Variants in NRXN3 observed in about 807,000 individuals in gnomAD.
The protein encoded by NRXN3 is neurexin 3, also known as neurexin III.
In NRXN3, 32 loss-of-function variants were observed where a neutral mutation model predicts 137.6. The observed-to-expected ratio is 0.23, with a 90% CI of 0.18 to 0.31. The LOEUF (loss-of-function observed/expected upper bound fraction) is 0.31. Among genes scored for constraint, NRXN3 ranks in the 10% least tolerant of loss-of-function variants. The probability of loss-of-function intolerance (pLI) is 1.00; values close to 1 mark genes in which losing one functional copy is unlikely to be tolerated. For missense variants in NRXN3, 1,574 were observed against 2,062.5 expected, an observed-to-expected ratio of 0.76 and a Z score of 4.59; for synonymous variants, 798 against 784.5, an observed-to-expected ratio of 1.02 and a Z score of -0.29.
chr14:79,151,913 T>C (rs935445536), intron 15 of NRXN3, among the ~76,000 whole-genome samples: 1 of 152,098 alleles, frequency 6.6e-6, no homozygotes, highest in African/African-American at 2.4e-5. Flanking sequence ...TATATTTTCA[T>C]ACTATAACAT....
rs1446039634 is a variant in NRXN3, at chr14:78,278,646, T to C, written c.711T>C (p.Asp237=). ...TGYGGKLCSE[D]VSQDPGLSHL... ...CTCCCTTTGAAAATGCTGCCACAGA[T>C]GTCAGTCAAGATCCAGGTGAGTCTT... The change falls in exon 3 of 21, where the codon GAT becomes GAC. Residue 237 remains aspartate, a splice_region_variant and synonymous_variant. Coordinates refer to ENST00000335750, the MANE Select transcript of NRXN3 (RefSeq NM_001330195.2). 6 of 1,535,070 alleles carry C rather than the reference T, an allele frequency of 3.9e-6. No individual in the cohort carries two copies. The highest frequency in any genetic ancestry group is 2.0e-5 in the Admixed American group (1 of 50,970).
In NRXN3 at chr14:79,340,235, G is replaced by A. The variant is rs67990350; in HGVS notation, c.3263-126986G>A. On this transcript the variant is annotated intron_variant, in intron 15 of 20. Coordinates refer to ENST00000335750, the MANE Select transcript of NRXN3 (RefSeq NM_001330195.2). ...AGAAAGAGATACAGATAGACATTTCGTTGGAGGAGGAGTGTGAGGGAAAAC... is the reference window on the plus strand; with the variant it reads ...AGAAAGAGATACAGATAGACATTTCATTGGAGGAGGAGTGTGAGGGAAAAC... 9.2e-3 allele frequency among the ~76,000 whole-genome samples: 1,390 copies of A among 151,626 alleles called. 16 individuals are homozygous for A. The highest frequency in any genetic ancestry group is 0.016 in the Non-Finnish European group (1,099 of 67,886).
At chr14:79,728,451 C>T (rs1039704268) in intron 19 of NRXN3, among the ~76,000 whole-genome samples, 1 of 152,186 alleles carries the variant, frequency 6.6e-6, no homozygotes, top group African/African-American at 2.4e-5. Context: ...ATTGCTTCCT[C>T]TCATGAGGAG....
chr14:78,210,845 G>C (rs766393392), intron 1 of NRXN3, among the ~76,000 whole-genome samples: 11 of 150,940 alleles, frequency 7.3e-5, no homozygotes, highest in Non-Finnish European at 1.3e-4. Flanking sequence ...TTTTATTGTC[G>C]AGCAAATCGT....
chr14:79,825,007 C>G (rs2099289542), intron 20 of NRXN3, among the ~76,000 whole-genome samples: 1 of 152,082 alleles, frequency 6.6e-6, no homozygotes, highest in African/African-American at 2.4e-5. Flanking sequence ...TCAGGCACTC[C>G]TACTAAAGAA....
intron 4 of NRXN3, among the ~76,000 whole-genome samples, chr14:78,483,971 G>A (rs1008129268): frequency 1.1e-4 from 14 of 131,922 alleles, no homozygotes; most frequent in Non-Finnish European, 8.2e-5. Flanking sequence ...CATAAACCAA[G>A]GGATGCTCTT....
At chr14:79,428,300 T>C (rs1411671225) in intron 15 of NRXN3, among the ~76,000 whole-genome samples, 1 of 150,770 alleles carries the variant, frequency 6.6e-6, no homozygotes, top group Non-Finnish European at 1.5e-5. Context: ...CTAAAACTTA[T>C]TTGAGTGTCT....
intron 4 of NRXN3, among the ~76,000 whole-genome samples, chr14:78,506,091 A>G (rs2095984180): frequency 6.6e-6 from 1 of 152,152 alleles, no homozygotes; most frequent in East Asian, 1.9e-4. Flanking sequence ...AAATTTATTC[A>G]TTGAGCCTAT....
intron 15 of NRXN3, among the ~76,000 whole-genome samples, chr14:79,323,439 C>G (rs1347975227): frequency 6.6e-6 from 1 of 152,134 alleles, no homozygotes; most frequent in African/African-American, 2.4e-5. Context: ...CATTATTATT[C>G]AATAAAAGGA....
chr14:79,775,603 G>A (rs796349075), intron 19 of NRXN3, among the ~76,000 whole-genome samples: 7 of 146,996 alleles, frequency 4.8e-5, no homozygotes, highest in African/African-American at 1.8e-4. Context: ...CATTGAGTAA[G>A]CCAAGGTTAC....
intron 16 of NRXN3, among the ~76,000 whole-genome samples, chr14:79,603,284 T>C (rs1300889285): frequency 6.6e-6 from 1 of 152,178 alleles, no homozygotes; most frequent in Non-Finnish European, 1.5e-5. Context: ...GCCCACACAA[T>C]CTCTTTACTG....
At chr14:78,544,128 G>A (rs2096616907) in intron 4 of NRXN3, among the ~76,000 whole-genome samples, 1 of 152,194 alleles carries the variant, frequency 6.6e-6, no homozygotes, top group South Asian at 2.1e-4. Flanking sequence ...TGATAGCAGA[G>A]GAGCCCTGGG....
chr14:79,011,608 G>GA (rs945864660), intron 15 of NRXN3, among the ~76,000 whole-genome samples: 33 of 151,706 alleles, frequency 2.2e-4, no homozygotes, highest in African/African-American at 8.0e-4. Flanking sequence ...ACTTATTTTG[G>GA]AAAAAAGCAT....
At chr14:79,429,755 G>T (rs2095715096) in intron 15 of NRXN3, among the ~76,000 whole-genome samples, 1 of 151,940 alleles carries the variant, frequency 6.6e-6, no homozygotes, top group African/African-American at 2.4e-5. Flanking sequence ...GAAACAACCA[G>T]AAAACACTTT....
At chr14:79,082,072 A>G (rs551779827) in intron 15 of NRXN3, among the ~76,000 whole-genome samples, 181 of 139,780 alleles carry the variant, frequency 1.3e-3, no homozygotes, top group Non-Finnish European at 2.3e-3. Context: ...TCATACATAT[A>G]TATATACATA....
At chr14:78,316,758 C>G (rs1242480019) in intron 4 of NRXN3, among the ~76,000 whole-genome samples, 2 of 152,200 alleles carry the variant, frequency 1.3e-5, no homozygotes, top group African/African-American at 4.8e-5. Context: ...AGTCCAGTAA[C>G]TCACATGATA....
chr14:78,924,505 AC>A (rs1327808482), intron 10 of NRXN3, among the ~76,000 whole-genome samples: 1 of 152,058 alleles, frequency 6.6e-6, no homozygotes, highest in Non-Finnish European at 1.5e-5. Flanking sequence ...TCAGGATTTA[AC>A]CCCCACTCTT....
At chr14:78,856,916 A>T (rs962348072) in intron 10 of NRXN3, among the ~76,000 whole-genome samples, 1 of 152,072 alleles carries the variant, frequency 6.6e-6, no homozygotes, top group Non-Finnish European at 1.5e-5. Context: ...GTATTTTTGT[A>T]GAAACATGGT....
intron 15 of NRXN3, among the ~76,000 whole-genome samples, chr14:79,257,589 A>ATGGTGGTGG (rs780777887): frequency 3.4e-5 from 1 of 29,824 alleles, no homozygotes; most frequent in Non-Finnish European, 7.1e-5. Context: ...GATGGTAATG[A>ATGGTGGTGG]TGGTGGTGGT....
Sources: gnomAD v4.1 joint callset for allele counts (sites outside exome capture counted in the v4.1 genomes callset) on GRCh38, gnomAD v4.1.1 for gene constraint, MANE v1.5 for transcripts, NCBI Gene and HGNC (gene_info 2026-07-23, HGNC 2026-07-21) for gene names.